Variants in DAPK2 observed in about 807,000 individuals in gnomAD.
DAPK2 encodes the protein death-associated protein kinase 2.
Under a neutral mutation model 44.1 loss-of-function variants are expected in DAPK2, and 35 were observed. The observed-to-expected ratio is 0.79, with a 90% CI of 0.61 to 1.05. DAPK2 has a LOEUF of 1.05. DAPK2 is among the 50% of genes least tolerant of loss of function. The pLI, the probability that DAPK2 is intolerant of heterozygous loss-of-function variation, is 0.00. For synonymous variants in DAPK2, 174 were observed against 182.6 expected (o/e 0.95, Z 0.38); for missense variants, 453 against 483.2 (o/e 0.94, Z 0.59).
intron 2 of DAPK2, among the ~76,000 whole-genome samples, chr15:63,973,613 C>T (rs1000883319): frequency 1.3e-5 from 2 of 152,204 alleles, no homozygotes; most frequent in African/African-American, 4.8e-5. Context: ...GTCTCACCCA[C>T]ATCTGATTTA....
intron 3 of DAPK2, among the ~76,000 whole-genome samples, chr15:63,954,405 T>A (rs2077667370): frequency 6.6e-6 from 1 of 152,204 alleles, no homozygotes; most frequent in Non-Finnish European, 1.5e-5. Context: ...TTGAAGAGAC[T>A]GTCCTTTCCC....
intron 1 of DAPK2, among the ~76,000 whole-genome samples, chr15:64,010,579 C>G (rs1395448234): frequency 3.9e-5 from 6 of 152,142 alleles, no homozygotes; most frequent in Admixed American, 1.3e-4. Context: ...CCCAGCTGAC[C>G]ACTTCAGGCA....
intron 1 of DAPK2, among the ~76,000 whole-genome samples, chr15:64,002,047 A>G (rs1473553135): frequency 6.6e-6 from 1 of 152,252 alleles, no homozygotes; most frequent in Non-Finnish European, 1.5e-5. Flanking sequence ...TGATTTGCAA[A>G]GTAGTTTCAC....
chr15:64,026,131 C>T (rs1595907419), intron 1 of DAPK2, among the ~76,000 whole-genome samples: 1 of 152,326 alleles, frequency 6.6e-6, no homozygotes, highest in African/African-American at 2.4e-5. Context: ...TGAGCCATCC[C>T]CTCTGTGGAA....
chr15:63,984,665 C>T (rs889749430), intron 1 of DAPK2, among the ~76,000 whole-genome samples: 2 of 152,192 alleles, frequency 1.3e-5, no homozygotes, highest in South Asian at 2.1e-4. Context: ...GCCATCATTG[C>T]CCCATGTTTT....
intron 6 of DAPK2, among the ~76,000 whole-genome samples, chr15:63,927,623 C>A (rs770722176): frequency 2.6e-5 from 4 of 152,232 alleles, no homozygotes; most frequent in Non-Finnish European, 5.9e-5. Flanking sequence ...AGGGAAGACC[C>A]TCCTTCATGT....
At chr15:63,911,241 A>AAAAAAAAG (rs2078783620) in intron 10 of DAPK2, 1 of 150,388 alleles carries the variant, frequency 6.6e-6, no homozygotes, top group Non-Finnish European at 1.5e-5. Flanking sequence ...AAAAAAAAAA[A>AAAAAAAAG]AAGAAGAAGA....
intron 3 of DAPK2, among the ~76,000 whole-genome samples, chr15:63,963,217 G>A (rs890890287): frequency 6.6e-6 from 1 of 152,150 alleles, no homozygotes; most frequent in African/African-American, 2.4e-5. Flanking sequence ...GTATTAGGGT[G>A]GGAGTGTCCC....
At chr15:64,027,484 C>T (rs2079882596) in intron 1 of DAPK2, among the ~76,000 whole-genome samples, 1 of 151,990 alleles carries the variant, frequency 6.6e-6, no homozygotes, top group South Asian at 2.1e-4. Context: ...TGCCTGAACC[C>T]AAGGAGGTCA....
chr15:64,040,619 T>A (rs116092594), upstream of DAPK2, among the ~76,000 whole-genome samples: 105 of 151,342 alleles, frequency 6.9e-4, no homozygotes, highest in African/African-American at 2.3e-3. Context: ...GTACAGTTTT[T>A]AAAAAAAAAT....
At chr15:64,021,808 C>A (rs995623133) in intron 1 of DAPK2, among the ~76,000 whole-genome samples, 2 of 151,972 alleles carry the variant, frequency 1.3e-5, no homozygotes, top group Non-Finnish European at 2.9e-5. Flanking sequence ...GAGCTAAGTA[C>A]AATTAGTTAA....
At chr15:63,940,050 C>T (rs879871153) in intron 3 of DAPK2, among the ~76,000 whole-genome samples, 1 of 152,204 alleles carries the variant, frequency 6.6e-6, no homozygotes, top group Non-Finnish European at 1.5e-5. Context: ...GGGTAGGGGA[C>T]AGCCCCTCAC....
intron 2 of DAPK2, among the ~76,000 whole-genome samples, chr15:63,977,130 G>C (rs2078374563): frequency 6.6e-6 from 1 of 152,124 alleles, no homozygotes; most frequent in Admixed American, 6.6e-5. Flanking sequence ...AAGGTGAAAG[G>C]GTGAAGAGAG....
intron 1 of DAPK2, among the ~76,000 whole-genome samples, chr15:63,997,924 T>C (rs1279486702): frequency 1.3e-5 from 2 of 151,922 alleles, no homozygotes; most frequent in African/African-American, 4.8e-5. Context: ...TAAGCTATGA[T>C]GATTTCATGC....
intron 1 of DAPK2, chr15:64,029,723 T>G (rs1241452285): frequency 6.6e-6 from 1 of 152,268 alleles, no homozygotes; most frequent in Non-Finnish European, 1.5e-5. Flanking sequence ...GTGACCTACA[T>G]ACAGTACAGA....
upstream of DAPK2, chr15:64,046,325 GGCC>G: frequency 3.1e-6 from 3 of 958,052 alleles, no homozygotes; most frequent in Non-Finnish European, 3.6e-6. The surrounding 1 kb of genome is among the most constrained non-coding windows in gnomAD (Gnocchi z 5.3). Context: ...CCGCGGTCGC[GGCC>G]GCGGCAGGCG....
intron 3 of DAPK2, 84 bp downstream of exon 4, chr15:63,971,339 T>C: frequency 3.9e-6 from 6 of 1,535,744 alleles, no homozygotes; most frequent in South Asian, 1.2e-5. Flanking sequence ...TGGTCGGCAC[T>C]GGGCCCATCC....
At position 64,000,188 on chromosome 15, in the gene DAPK2, CACA is replaced by C. The variant is rs746382230; in HGVS notation, c.93-16437_93-16435del. On this transcript the variant is annotated intron_variant, in intron 1 of 10. Transcript: ENST00000261891. The stretch of plus-strand genomic sequence containing the variant: ...CTGACTACTACTACTACTACTACTA[CACA>C]CACACACACACACACACACACACAC... Among the ~76,000 whole-genome samples the C allele has an allele frequency of 2.1e-3, 100 of 46,694 alleles. 1 individual carries two copies. The highest frequency in any genetic ancestry group is 3.4e-3 in the African/African-American group (82 of 24,144). The allele number at this position is 46,694 out of a possible 152,430, so 30.6% of individuals were successfully genotyped here.
intron 2 of DAPK2, among the ~76,000 whole-genome samples, chr15:63,979,074 C>T (rs183721196): frequency 1.1e-4 from 17 of 152,314 alleles, no homozygotes; most frequent in Admixed American, 7.2e-4. Context: ...GCAACCACCA[C>T]GGTATCGCTT....
Sources: allele counts gnomAD v4.1 joint callset (sites outside exome capture counted in the v4.1 genomes callset), GRCh38; gene constraint gnomAD v4.1.1; non-coding constraint Gnocchi (gnomAD v3.1); transcripts MANE v1.5; gene names NCBI Gene and HGNC (gene_info 2026-07-23, HGNC 2026-07-21).